GLIS3: variants seen among roughly 807,000 people sequenced by gnomAD.
The protein encoded by GLIS3 is GLIS family zinc finger 3, also known as zinc finger protein GLIS3.
A neutral mutation model predicts 78.6 loss-of-function variants in GLIS3; 53 were observed. The ratio of observed to expected loss-of-function variants is 0.67; its 90% CI spans 0.54 to 0.85. The LOEUF (loss-of-function observed/expected upper bound fraction) is 0.85. Ranked by LOEUF, GLIS3 falls within the 40% of genes least tolerant of loss-of-function variation. GLIS3 has a pLI of 0.00. For synonymous variants in GLIS3, 684 were observed against 509.9 expected (o/e 1.34, Z -4.60); for missense variants, 1,703 against 1,231.1 (o/e 1.38, Z -5.74).
At chr9:4,402,056 G>A in the GLIS3 span, among the ~76,000 whole-genome samples, 1 of 152,198 alleles carries the variant, frequency 6.6e-6, no homozygotes, top group African/African-American at 2.4e-5. Flanking sequence ...CCAGGGCCTA[G>A]GGGAACTCAC....
the GLIS3 span, among the ~76,000 whole-genome samples, chr9:4,450,383 G>A: frequency 6.6e-6 from 1 of 152,184 alleles, no homozygotes; most frequent in Non-Finnish European, 1.5e-5. Context: ...TGGTGTACCT[G>A]AAAGTGATGG....
At chr9:3,913,453 G>A (rs578262353) in intron 6 of GLIS3, among the ~76,000 whole-genome samples, 5 of 152,170 alleles carry the variant, frequency 3.3e-5, no homozygotes, top group East Asian at 1.9e-4. Flanking sequence ...ACCTAGCTTC[G>A]TGTGGCTTCA....
chr9:4,173,561 T>TACACACAC (rs34572625), intron 2 of GLIS3, among the ~76,000 whole-genome samples: 4 of 146,424 alleles, frequency 2.7e-5, no homozygotes, highest in African/African-American at 1.0e-4. Flanking sequence ...TGTGTATAGA[T>TACACACAC]ACACACACAC....
At chr9:3,954,484 A>C (rs1327598642) in intron 4 of GLIS3, among the ~76,000 whole-genome samples, 1 of 152,252 alleles carries the variant, frequency 6.6e-6, no homozygotes, top group African/African-American at 2.4e-5. Context: ...ACAGAAAAGA[A>C]CAGTTGGAGA....
intron 4 of GLIS3, among the ~76,000 whole-genome samples, chr9:3,978,524 T>C (rs1224538637): frequency 6.6e-6 from 1 of 152,144 alleles, no homozygotes; most frequent in African/African-American, 2.4e-5. Context: ...AACAATTATA[T>C]ACTATTGCAT....
chr9:4,033,215 T>G (rs1190258880), intron 4 of GLIS3, among the ~76,000 whole-genome samples: 1 of 151,942 alleles, frequency 6.6e-6, no homozygotes, highest in Admixed American at 6.6e-5. Context: ...CTGGAAGAGC[T>G]TCCCACACCT....
At chr9:4,148,422 C>T (rs554895820) in intron 2 of GLIS3, among the ~76,000 whole-genome samples, 1 of 152,276 alleles carries the variant, frequency 6.6e-6, no homozygotes, top group Admixed American at 6.5e-5. Context: ...CTACCTCCTC[C>T]TTGAAAGAAA....
chr9:4,354,035 A>G, the GLIS3 span, among the ~76,000 whole-genome samples: 4 of 146,628 alleles, frequency 2.7e-5, no homozygotes, highest in Non-Finnish European at 6.0e-5. Context: ...ACAGGGTCTC[A>G]CCGTGTTAGC....
chr9:4,205,175 CA>C (rs200420029), intron 2 of GLIS3, among the ~76,000 whole-genome samples: 12,863 of 124,476 alleles, frequency 0.1, 690 homozygotes, highest in African/African-American at 0.2. Flanking sequence ...GAGACTCTGT[CA>C]AAAAAAAAAA....
intron 2 of GLIS3, among the ~76,000 whole-genome samples, chr9:4,327,704 C>G (rs1031318048): frequency 1.3e-5 from 2 of 152,206 alleles, no homozygotes; most frequent in African/African-American, 4.8e-5. Flanking sequence ...ATCCACTTTG[C>G]AGTTAATGGG....
At chr9:3,937,562 C>T (rs1277268780) in intron 4 of GLIS3, among the ~76,000 whole-genome samples, 1 of 151,842 alleles carries the variant, frequency 6.6e-6, no homozygotes, top group Non-Finnish European at 1.5e-5. Context: ...ATTGAAGGAA[C>T]TGGAAAGGAA....
the GLIS3 span, among the ~76,000 whole-genome samples, chr9:4,473,577 G>A: frequency 3.4e-4 from 51 of 152,154 alleles, no homozygotes; most frequent in African/African-American, 1.2e-3. Context: ...ACTTACAAGT[G>A]GGAGCTAAAT....
chr9:3,906,710 C>A (rs907439741), intron 6 of GLIS3, among the ~76,000 whole-genome samples: 2 of 152,130 alleles, frequency 1.3e-5, no homozygotes, highest in African/African-American at 4.8e-5. Flanking sequence ...CCTGTGATAT[C>A]AAATGGACTC....
intron 2 of GLIS3, among the ~76,000 whole-genome samples, chr9:4,247,542 C>G (rs1823912663): frequency 6.6e-6 from 1 of 152,072 alleles, no homozygotes; most frequent in South Asian, 2.1e-4. Flanking sequence ...TCCACAGATT[C>G]CCTAGGAATG....
chr9:4,117,851 G>C lies in GLIS3; in HGVS notation c.1627C>G (p.Arg543Gly), dbSNP rs1485946314. Residue 543 changes from arginine (R) to glycine (G), a missense_variant, in exon 4 of 11, where the codon CGA becomes GGA. Coordinates refer to ENST00000381971, the MANE Select transcript of GLIS3 (RefSeq NM_001042413.2). Reference protein sequence around the residue: ...DFTCFWAGCPRRYKPFNARYK... With the variant: ...DFTCFWAGCPGRYKPFNARYK... ...CGGGCGTTGAAGGGCTTGTATCTTC[G>C]AGGGCAACCGGCCCAGAAGCAAGTG... The C allele has an allele frequency of 6.2e-7, 1 of 1,614,094 alleles. No individual in the cohort carries two copies. The highest frequency in any genetic ancestry group is 8.5e-7 in the Non-Finnish European group (1 of 1,180,016).
At chr9:4,436,383 C>T in the GLIS3 span, among the ~76,000 whole-genome samples, 2 of 152,066 alleles carry the variant, frequency 1.3e-5, no homozygotes, top group Admixed American at 6.6e-5. Context: ...AATTGTAACA[C>T]GATAATATTC....
chr9:4,472,406 A>G, the GLIS3 span, among the ~76,000 whole-genome samples: 1 of 152,270 alleles, frequency 6.6e-6, no homozygotes, highest in Non-Finnish European at 1.5e-5. Flanking sequence ...GCACATATAC[A>G]TCATGGAATA....
At chr9:4,149,365 G>C (rs1380813873) in intron 2 of GLIS3, among the ~76,000 whole-genome samples, 1 of 152,072 alleles carries the variant, frequency 6.6e-6, no homozygotes, top group Non-Finnish European at 1.5e-5. Context: ...ACCCCAGCTA[G>C]CCCAACTCAA....
chr9:4,286,670 C>T (rs1345780077), intron 1 of GLIS3, 147 bp from the exon 2 acceptor site: 3 of 567,360 alleles, frequency 5.3e-6, no homozygotes, highest in Admixed American at 2.9e-5. Context: ...TCCTCAAATA[C>T]ACGGCTCATT....
Sources: allele counts gnomAD v4.1 joint callset (sites outside exome capture counted in the v4.1 genomes callset), GRCh38; gene constraint gnomAD v4.1.1; transcripts MANE v1.5; gene names NCBI Gene and HGNC (gene_info 2026-07-23, HGNC 2026-07-21).